LUC7L: variants seen among roughly 807,000 people sequenced by gnomAD.
The protein encoded by LUC7L is LUC7 like.
Under a neutral mutation model 51.1 loss-of-function variants are expected in LUC7L, and 29 were observed. That is an observed-to-expected ratio of 0.57 (90% confidence interval 0.42 to 0.77). The LOEUF is 0.77. Ranked by LOEUF, LUC7L falls within the 30% of genes least tolerant of loss-of-function variation. The pLI is 0.00. For synonymous variants in LUC7L, 181 were observed against 180.7 expected, an observed-to-expected ratio of 1.00 and a Z score of -0.01; for missense variants, 403 against 511.9, an observed-to-expected ratio of 0.79 and a Z score of 2.05.
In LUC7L at chr16:189,350, G is replaced by A. The variant is rs777847240; in HGVS notation, c.975-11C>T. The A allele has an allele frequency of 1.2e-6, 2 of 1,603,264 alleles. No individual in the cohort carries two copies. The highest frequency in any genetic ancestry group is 1.7e-6 in the Non-Finnish European group (2 of 1,175,586). ...CGCTCTCTGGAGAACCTGGGAAATG[G>A]GAACCAGAGGCTCAGTGGAGGCTGC... On this transcript the variant is annotated splice_polypyrimidine_tract_variant and intron_variant, in intron 9 of 9. Coordinates refer to ENST00000293872, the MANE Select transcript of LUC7L (RefSeq NM_201412.3).
At chr16:217,019 ATT>A (rs111294392) in intron 3 of LUC7L, among the ~76,000 whole-genome samples, 6 of 148,764 alleles carry the variant, frequency 4.0e-5, no homozygotes, top group East Asian at 2.0e-4. Context: ...TTTAAATAGA[ATT>A]TTTTTTTTTG....
Position 193,806 on chromosome 16 carries a change from C to CTT in LUC7L, c.688-793_688-792dup, listed in dbSNP as rs35000773. Among the ~76,000 whole-genome samples the CTT allele has an allele frequency of 1.7e-3, 232 of 139,684 alleles. 2 individuals carry two copies. The highest frequency in any genetic ancestry group is 2.9e-3 in the Admixed American group (41 of 14,084). 91.6% of individuals were successfully genotyped at this position (139,684 alleles called of 152,430 possible). On this transcript the variant is annotated intron_variant, in intron 6 of 9. Transcript: ENST00000293872. ...CTGCACCCGGCCTCGTTTACATTTA[C>CTT]TTTTTTTTTTTTTTTGAGACGGAGT...
rs771198622 is a variant in LUC7L at position 190,555 on chromosome 16, G to A, written c.792C>T (p.Thr264=). 6.2e-7 allele frequency: 1 copy of A among 1,613,610 alleles called. No individual in the cohort carries two copies. Reference sequence around the variant, plus strand: ...TGGAAACCTACCTCCTGCGATCTCTGGTTCTTGATCCCGACCTAAAAGGGG... The same window carrying A: ...TGGAAACCTACCTCCTGCGATCTCTAGTTCTTGATCCCGACCTAAAAGGGG... ...ERLSRRSGSR[T]RDRRRSRSRD... is the part of the protein sequence containing the mutation. The change falls in exon 8 of 10, where the codon ACC becomes ACT. Residue 264 remains threonine, a synonymous_variant. Transcript: ENST00000293872.
At chr16:215,601 C>T (rs1253407500) in intron 3 of LUC7L, among the ~76,000 whole-genome samples, 3 of 142,198 alleles carry the variant, frequency 2.1e-5, no homozygotes, top group Admixed American at 7.3e-5. Flanking sequence ...CCAGCCTGGG[C>T]GACAAAAGCA....
In LUC7L at chr16:192,950, T is replaced by A; in HGVS notation, c.753A>T (p.Glu251Asp). ...ACCTCCTGCTCAGACGCTCCTCCCGTTCCCTCTCCTCTCTCCTCCTCAAGC... is the reference window on the plus strand; with the variant it reads ...ACCTCCTGCTCAGACGCTCCTCCCGATCCCTCTCCTCTCTCCTCCTCAAGC... Reference protein sequence around the residue: ...QDRLRRREEREREERLSRRSG... With the variant: ...QDRLRRREERDREERLSRRSG... Residue 251 changes from glutamate (E) to aspartate (D), a missense_variant, in exon 7 of 10, where the codon GAA becomes GAT. Glu to Asp is a conservative substitution (Grantham distance 45). Around this residue, in one of 3 missense-constraint regions of LUC7L, gnomAD observed 206 missense variants for 218.3 expected, o/e 0.94. Coordinates refer to ENST00000293872, the MANE Select transcript of LUC7L (RefSeq NM_201412.3). The A allele has an allele frequency of 1.2e-6, 2 of 1,613,284 alleles. No individual in the cohort carries two copies. The highest frequency in any genetic ancestry group is 1.7e-6 in the Non-Finnish European group (2 of 1,179,946).
intron 7 of LUC7L, among the ~76,000 whole-genome samples, chr16:191,116 C>T (rs549756755): frequency 5.3e-5 from 8 of 152,298 alleles, no homozygotes; most frequent in East Asian, 1.9e-4. Flanking sequence ...GAGCATCAGA[C>T]GCAGCCCTGT....
In LUC7L at chr16:203,146, TA is replaced by T. The variant is rs201219633; in HGVS notation, c.510+2857del. Among the ~76,000 whole-genome samples, 20 of 150,900 alleles carry T rather than the reference TA, an allele frequency of 1.3e-4. No individual in the cohort carries two copies. The East Asian group carries it at 2.5e-3, about 19-fold the overall frequency. ...CTGGGCAACAGAGAGAGACTCCGTGTAAAAAAAAAGTATAATAATGTTGAAA... is the reference window on the plus strand; with the variant it reads ...CTGGGCAACAGAGAGAGACTCCGTGTAAAAAAAAGTATAATAATGTTGAAA... On this transcript the variant is annotated intron_variant, in intron 5 of 9. Coordinates refer to ENST00000293872, the MANE Select transcript of LUC7L (RefSeq NM_201412.3).
intron 5 of LUC7L, among the ~76,000 whole-genome samples, chr16:202,821 A>G (rs2142063985): frequency 6.6e-6 from 1 of 152,350 alleles, no homozygotes; most frequent in East Asian, 1.9e-4. Context: ...CTCCATGCCC[A>G]CAAAAGCGAT....
In LUC7L at chr16:221,186, A is replaced by ATTTTTTTTTTTTTTTTTTTT. The variant is rs372906826; in HGVS notation, c.157-459_157-440dup. Among the ~76,000 whole-genome samples the ATTTTTTTTTTTTTTTTTTTT allele has an allele frequency of 5.9e-5, 6 of 101,260 alleles. 1 individual carries two copies. The highest frequency in any genetic ancestry group is 1.2e-4 in the Non-Finnish European group (6 of 51,968). The allele number at this position is 101,260 out of a possible 152,430, so 66.4% of individuals were successfully genotyped here. On this transcript the variant is annotated intron_variant, in intron 2 of 9. Transcript: ENST00000293872. ...AGGCACGTGATACCACACCCAGCTAATTTTTTTTTTTTTTTTTTTTTTTTT... is the reference window on the plus strand; with the variant it reads ...AGGCACGTGATACCACACCCAGCTAATTTTTTTTTTTTTTTTTTTTTTTTTTTTTTTTTTTTTTTTTTTTT...
chr16:223,032 G>A (rs2050020297), intron 2 of LUC7L, among the ~76,000 whole-genome samples: 1 of 151,138 alleles, frequency 6.6e-6, no homozygotes, highest in African/African-American at 2.4e-5. Flanking sequence ...AGGCTTGCAT[G>A]TCTGACTCTT....
In LUC7L at chr16:190,547, C is replaced by T. The variant is rs760744033; in HGVS notation, c.800G>A (p.Arg267His). The T allele has an allele frequency of 3.7e-6, 6 of 1,613,534 alleles. No individual in the cohort carries two copies. The highest frequency in any genetic ancestry group is 4.5e-5 in the East Asian group (2 of 44,896). The change falls in exon 8 of 10, where the codon CGC becomes CAC. Residue 267 changes from arginine (R) to histidine (H), a missense_variant. Transcript: ENST00000293872. ...AATGGACCTGGAAACCTACCTCCTG[C>T]GATCTCTGGTTCTTGATCCCGACCT... ...SRRSGSRTRD[R>H]RRSRSRDRRR...
intron 3 of LUC7L, among the ~76,000 whole-genome samples, chr16:211,067 A>G (rs1379636946): frequency 6.9e-6 from 1 of 144,890 alleles, no homozygotes; most frequent in Non-Finnish European, 1.5e-5. Flanking sequence ...AAAAAAAAAG[A>G]ACACTAAATG....
In LUC7L at chr16:225,805, AAAAAG is replaced by A. The variant is rs540354022; in HGVS notation, c.156+1432_156+1436del. Reference sequence around the variant, plus strand: ...CAGCCTGAAATTCTGTCTCAAAAAAAAAAAGAAAAGAAAAGAAAAGAAAAGAAATA... The same window carrying A: ...CAGCCTGAAATTCTGTCTCAAAAAAAAAAAGAAAAGAAAAGAAAAGAAATA... On this transcript the variant is annotated intron_variant, in intron 2 of 9. Transcript: ENST00000293872. Among the ~76,000 whole-genome samples the A allele has an allele frequency of 9.6e-3, 1,434 of 150,004 alleles. 21 individuals are homozygous for A. Among genetic ancestry groups the A allele is most frequent in the African/African-American group, 0.031 (1,292 of 41,302 alleles).
In LUC7L at chr16:193,026, G is replaced by GA; in HGVS notation, c.688-12dup. 9.9e-6 allele frequency: 16 copies of GA among 1,609,252 alleles called. No homozygotes were observed. The highest frequency in any genetic ancestry group is 1.4e-5 in the Non-Finnish European group (16 of 1,178,056). ...TTCAGCGACAGTTTTCTAAATAAAT[G>GA]AAACAAAAAATGAGGAAGAGCAAGT... On this transcript the variant is annotated splice_polypyrimidine_tract_variant and intron_variant, in intron 6 of 9. Transcript: ENST00000293872.
intron 2 of LUC7L, 23 bp from the exon 3 acceptor site, chr16:220,770 G>A (rs749946903): frequency 6.5e-7 from 1 of 1,532,220 alleles, no homozygotes; most frequent in African/African-American, 1.4e-5. Flanking sequence ...AACAGAAAAT[G>A]CAGACCTCAG....
Position 189,078 on chromosome 16 carries a change from T to C in LUC7L, c.*120A>G. The C allele has an allele frequency of 8.7e-7, 1 of 1,143,988 alleles. No individual in the cohort carries two copies. The highest frequency in any genetic ancestry group is 1.5e-5 in the South Asian group (1 of 67,638). 70.9% of individuals were successfully genotyped at this position (1,143,988 alleles called of 1,614,324 possible). ...CTGTACACTTCTAGAAACTCACAGCTAGCTCCAAAACAATAGAAATTTTAA... is the reference window on the plus strand; with the variant it reads ...CTGTACACTTCTAGAAACTCACAGCCAGCTCCAAAACAATAGAAATTTTAA... On this transcript the variant is annotated 3_prime_UTR_variant, in exon 10 of 10. Coordinates refer to ENST00000293872, the MANE Select transcript of LUC7L (RefSeq NM_201412.3).
At chr16:228,689 A>T (rs992799506) in intron 1 of LUC7L, 3 of 1,199,962 alleles carry the variant, frequency 2.5e-6, no homozygotes, top group Non-Finnish European at 3.2e-6. Flanking sequence ...CTCCCTACAC[A>T]GTACAACCTA....
intron 3 of LUC7L, among the ~76,000 whole-genome samples, chr16:211,356 G>A (rs971166636): frequency 3.3e-5 from 5 of 151,928 alleles, no homozygotes; most frequent in South Asian, 2.1e-4. Context: ...TACAAGGGAG[G>A]CTGAGGCAGG....
intron 6 of LUC7L, among the ~76,000 whole-genome samples, chr16:195,083 T>C (rs2049114058): frequency 1.3e-5 from 2 of 152,160 alleles, no homozygotes; most frequent in Non-Finnish European, 2.9e-5. Flanking sequence ...ATGCTCATCC[T>C]GTGTCTGAAG....
Sources: allele counts gnomAD v4.1 joint callset (sites outside exome capture counted in the v4.1 genomes callset), GRCh38; gene constraint gnomAD v4.1.1; regional missense constraint gnomAD v4.1.1; transcripts MANE v1.5; gene names NCBI Gene and HGNC (gene_info 2026-07-23, HGNC 2026-07-21).